SENP7: variants seen among roughly 807,000 people sequenced by gnomAD.
The protein encoded by SENP7 is sentrin-specific protease 7.
Under a neutral mutation model 141.2 loss-of-function variants are expected in SENP7, and 64 were observed. That is an observed-to-expected ratio of 0.45 (90% confidence interval 0.37 to 0.56). SENP7 has a LOEUF of 0.56. Among genes scored for constraint, SENP7 ranks in the 20% least tolerant of loss-of-function variants. The pLI is 0.00. For synonymous variants in SENP7, 382 were observed against 426.4 expected, an observed-to-expected ratio of 0.90 and a Z score of 1.28; for missense variants, 1,025 against 1,212.2, an observed-to-expected ratio of 0.85 and a Z score of 2.29.
intron 4 of SENP7, among the ~76,000 whole-genome samples, chr3:101,453,663 C>A (rs953193842): frequency 1.3e-5 from 2 of 150,716 alleles, no homozygotes; most frequent in South Asian, 2.1e-4. Flanking sequence ...GGGAATTGAA[C>A]AATGAGAACA....
At chr3:101,416,981 C>T (rs1324096701) in intron 5 of SENP7, among the ~76,000 whole-genome samples, 1 of 152,078 alleles carries the variant, frequency 6.6e-6, no homozygotes, top group Non-Finnish European at 1.5e-5. Context: ...ATTCCTAGAG[C>T]TAATTCCTAG....
intron 7 of SENP7, among the ~76,000 whole-genome samples, chr3:101,371,547 C>G (rs16843817): frequency 0.13 from 19,507 of 152,134 alleles, 1,308 homozygotes; most frequent in South Asian, 0.18. Context: ...AAAATTTTCA[C>G]AAGTCTAGGA....
intron 4 of SENP7, among the ~76,000 whole-genome samples, chr3:101,455,831 C>A (rs1196367419): frequency 6.6e-6 from 1 of 152,170 alleles, no homozygotes; most frequent in Non-Finnish European, 1.5e-5. Context: ...CATGTTCTAT[C>A]CCACCTTAGT....
At chr3:101,457,236 T>C (rs2063382621) in intron 4 of SENP7, 1 of 1,581,204 alleles carries the variant, frequency 6.3e-7, no homozygotes, top group Admixed American at 1.7e-5. Context: ...AGAAGTTGAC[T>C]CAATTCAGTT....
chr3:101,426,489 T>A (rs1265202767), intron 4 of SENP7, among the ~76,000 whole-genome samples: 13 of 151,856 alleles, frequency 8.6e-5, no homozygotes, highest in Non-Finnish European at 1.6e-4. Flanking sequence ...TAAGATTTTT[T>A]TTTTTTTTTA....
chr3:101,483,406 G>T (rs1000813327), intron 3 of SENP7, among the ~76,000 whole-genome samples: 5 of 152,116 alleles, frequency 3.3e-5, no homozygotes, highest in African/African-American at 9.7e-5. Context: ...CAGTGTGGGA[G>T]CTAAACATTG....
At chr3:101,381,731 C>T (rs1324467160) in intron 6 of SENP7, among the ~76,000 whole-genome samples, 1 of 152,160 alleles carries the variant, frequency 6.6e-6, no homozygotes, top group East Asian at 1.9e-4. Flanking sequence ...ATGTTTCTAG[C>T]ATAAAGGAGT....
At chr3:101,440,729 T>C (rs1053427709) in intron 4 of SENP7, among the ~76,000 whole-genome samples, 1 of 151,804 alleles carries the variant, frequency 6.6e-6, no homozygotes, top group African/African-American at 2.4e-5. Context: ...AAAAAAACCA[T>C]ATATGAATCT....
rs2058862695 is a variant in SENP7 at position 101,325,010 on chromosome 3, T to C, written c.*933A>G. 6.6e-6 allele frequency: 1 copy of C among 152,024 alleles called. No individual in the cohort carries two copies. Among genetic ancestry groups the C allele is most frequent in the African/African-American group, 2.4e-5 (1 of 41,432 alleles). 9.4% of individuals were successfully genotyped at this position (152,024 alleles called of 1,614,324 possible). On this transcript the variant is annotated 3_prime_UTR_variant, in exon 24 of 24. Coordinates refer to ENST00000394095, the MANE Select transcript of SENP7 (RefSeq NM_020654.5). The stretch of plus-strand genomic sequence containing the variant: ...GCAATCTGGCTTTGCAGATGAATAC[T>C]GGGTAAACTGAGCTATAAAATTATA...
At chr3:101,472,500 G>T (rs377563306) in intron 3 of SENP7, among the ~76,000 whole-genome samples, 30 of 152,198 alleles carry the variant, frequency 2.0e-4, no homozygotes, top group African/African-American at 6.7e-4. Context: ...GGGACCTGTC[G>T]CGGGGTGGGG....
intron 6 of SENP7, among the ~76,000 whole-genome samples, chr3:101,391,818 C>T (rs150667722): frequency 4.7e-4 from 72 of 152,120 alleles, no homozygotes; most frequent in South Asian, 3.7e-3. Context: ...AACACAGATG[C>T]AAAAATCCTC....
intron 11 of SENP7, among the ~76,000 whole-genome samples, chr3:101,355,428 T>G (rs1179630516): frequency 6.6e-6 from 1 of 152,224 alleles, no homozygotes; most frequent in East Asian, 1.9e-4. Context: ...CTTCTGCATA[T>G]GGCTAGCCAG....
intron 6 of SENP7, among the ~76,000 whole-genome samples, chr3:101,379,261 G>A (rs2060427718): frequency 6.6e-6 from 1 of 152,210 alleles, no homozygotes; most frequent in East Asian, 1.9e-4. Context: ...CTAAGCATAA[G>A]GCATAAAGCT....
chr3:101,359,627 AT>A (rs1400424243), intron 11 of SENP7, among the ~76,000 whole-genome samples: 1 of 151,774 alleles, frequency 6.6e-6, no homozygotes, highest in Non-Finnish European at 1.5e-5. Flanking sequence ...ACAATTAAAA[AT>A]TTTTAAAGAC....
At chr3:101,475,112 CA>C (rs2064162961) in intron 3 of SENP7, among the ~76,000 whole-genome samples, 1 of 151,806 alleles carries the variant, frequency 6.6e-6, no homozygotes, top group Non-Finnish European at 1.5e-5. Context: ...ATTAAGTTAC[CA>C]AAAAAACTTA....
intron 1 of SENP7, among the ~76,000 whole-genome samples, chr3:101,511,314 T>C (rs1050480474): frequency 2.6e-5 from 4 of 152,210 alleles, no homozygotes; most frequent in Admixed American, 6.5e-5. Flanking sequence ...ACGTGACTTG[T>C]TGAATTACAA....
chr3:101,501,662 C>T (rs895524756), intron 1 of SENP7, among the ~76,000 whole-genome samples: 1 of 152,144 alleles, frequency 6.6e-6, no homozygotes, highest in Non-Finnish European at 1.5e-5. Context: ...TAACTTCCAA[C>T]CAGCAAACAT....
intron 16 of SENP7, 86 bp downstream of exon 16, chr3:101,340,009 T>C: frequency 7.0e-7 from 1 of 1,428,304 alleles, no homozygotes. Context: ...TAACAGAATT[T>C]AAAATAATTC....
intron 5 of SENP7, among the ~76,000 whole-genome samples, chr3:101,408,916 TG>T (rs2061378698): frequency 6.6e-6 from 1 of 152,134 alleles, no homozygotes. Context: ...AACATAGTAC[TG>T]GAAGTCCTGG....
Sources: allele counts gnomAD v4.1 joint callset (sites outside exome capture counted in the v4.1 genomes callset), GRCh38; gene constraint gnomAD v4.1.1; transcripts MANE v1.5; gene names NCBI Gene and HGNC (gene_info 2026-07-23, HGNC 2026-07-21).